The following IGSF11 variants were observed in gnomAD, a reference collection of about 807,000 sequenced individuals.
The protein encoded by IGSF11 is CXADR like 1.
Under a neutral mutation model 41.0 loss-of-function variants are expected in IGSF11, and 22 were observed. The ratio of observed to expected loss-of-function variants is 0.54; its 90% CI spans 0.38 to 0.77. The LOEUF is 0.77. Among genes scored for constraint, IGSF11 ranks in the 30% least tolerant of loss-of-function variants. The probability of loss-of-function intolerance (pLI) is 0.00; values close to 1 mark genes in which losing one functional copy is unlikely to be tolerated. For synonymous variants in IGSF11, 219 were observed against 201.3 expected (o/e 1.09, Z -0.74); for missense variants, 444 against 530.8 (o/e 0.84, Z 1.61).
At chr3:118,986,513 C>A (rs932524130) in intron 1 of IGSF11, among the ~76,000 whole-genome samples, 1 of 152,136 alleles carries the variant, frequency 6.6e-6, no homozygotes, top group Non-Finnish European at 1.5e-5. Flanking sequence ...AATTTGTATG[C>A]TCAATTTAAC....
At chr3:119,029,237 TACACACACAC>T (rs10662902) in intron 1 of IGSF11, among the ~76,000 whole-genome samples, 85 of 123,200 alleles carry the variant, frequency 6.9e-4, no homozygotes, top group Middle Eastern at 8.0e-3. Context: ...CTTTTGGGAA[TACACACACAC>T]ACACACACAC....
intron 1 of IGSF11, among the ~76,000 whole-genome samples, chr3:119,004,455 T>C (rs530614424): frequency 6.6e-6 from 1 of 151,694 alleles, no homozygotes; most frequent in East Asian, 1.9e-4. Context: ...TGTGTGTCAC[T>C]ATTTCCTTCA....
At chr3:119,112,321 T>G (rs904218344) in intron 1 of IGSF11, among the ~76,000 whole-genome samples, 19 of 152,142 alleles carry the variant, frequency 1.2e-4, no homozygotes, top group Non-Finnish European at 4.4e-5. Flanking sequence ...CCCCAGCCTC[T>G]CTGCCACCTT....
intron 1 of IGSF11, among the ~76,000 whole-genome samples, chr3:119,085,584 C>T (rs1266529907): frequency 6.6e-6 from 1 of 152,126 alleles, no homozygotes; most frequent in African/African-American, 2.4e-5. Flanking sequence ...ATCTGAATGG[C>T]AAGGAAGCTC....
intron 4 of IGSF11, among the ~76,000 whole-genome samples, 175 bp from the exon 5 acceptor site, chr3:118,905,893 T>C (rs1321793848): frequency 2.6e-5 from 4 of 152,172 alleles, no homozygotes; most frequent in Non-Finnish European, 5.9e-5. Flanking sequence ...AAAACTACTA[T>C]ATCACTTTAA....
intron 1 of IGSF11, among the ~76,000 whole-genome samples, chr3:119,123,279 A>C (rs940153264): frequency 3.3e-5 from 5 of 152,066 alleles, no homozygotes; most frequent in Non-Finnish European, 7.4e-5. Context: ...AAGAGGAGGG[A>C]AGAATGGGAA....
chr3:119,088,389 C>A (rs2076710986), intron 1 of IGSF11, among the ~76,000 whole-genome samples: 1 of 152,106 alleles, frequency 6.6e-6, no homozygotes, highest in African/African-American at 2.4e-5. Flanking sequence ...ATAATAGACA[C>A]ACAGCTTATC....
In IGSF11 at chr3:118,939,339, G is replaced by A. The variant is rs560061614; in HGVS notation, c.53-9064C>T. On this transcript the variant is annotated intron_variant, in intron 1 of 6. Coordinates refer to ENST00000393775, the MANE Select transcript of IGSF11 (RefSeq NM_001015887.3). ...GCCTGTAATCCCAGCACTTTGGGAC[G>A]CCAAGGCAGGTGGATCACCTGAGGT... Among the ~76,000 whole-genome samples the A allele has an allele frequency of 3.9e-5, 6 of 152,038 alleles. 1 individual carries two copies. The South Asian group carries it at 1.0e-3, about 26-fold the overall frequency.
At chr3:119,051,250 C>T (rs563957169) in intron 1 of IGSF11, among the ~76,000 whole-genome samples, 3 of 151,648 alleles carry the variant, frequency 2.0e-5, no homozygotes, top group East Asian at 3.9e-4. Flanking sequence ...TATGGGCTCA[C>T]ATAAACTTAA....
At chr3:118,996,233 T>C (rs747324574) in intron 1 of IGSF11, among the ~76,000 whole-genome samples, 4 of 152,238 alleles carry the variant, frequency 2.6e-5, no homozygotes, top group Non-Finnish European at 4.4e-5. Context: ...TTAGCAGTGT[T>C]AGCAGTTTCA....
intron 1 of IGSF11, among the ~76,000 whole-genome samples, chr3:118,979,193 C>T (rs763098069): frequency 2.0e-5 from 3 of 151,980 alleles, no homozygotes; most frequent in Non-Finnish European, 4.4e-5. Flanking sequence ...AATATTAGAA[C>T]GTGAAGACAG....
At chr3:119,013,860 A>C (rs79923298) in intron 1 of IGSF11, among the ~76,000 whole-genome samples, 121 of 152,324 alleles carry the variant, frequency 7.9e-4, no homozygotes, top group African/African-American at 2.9e-3. Flanking sequence ...CTATTTTACC[A>C]GTCTGAAGGA....
At chr3:118,937,660 C>A (rs924621271) in intron 1 of IGSF11, among the ~76,000 whole-genome samples, 1 of 152,180 alleles carries the variant, frequency 6.6e-6, no homozygotes, top group African/African-American at 2.4e-5. Flanking sequence ...TACAGGATCA[C>A]TGCCAAGCTT....
chr3:119,026,994 T>C (rs758461681), intron 1 of IGSF11, among the ~76,000 whole-genome samples: 2 of 152,178 alleles, frequency 1.3e-5, no homozygotes, highest in Admixed American at 1.3e-4. Flanking sequence ...GTATCTGACA[T>C]TGTGAGCTTA....
intron 1 of IGSF11, among the ~76,000 whole-genome samples, chr3:119,094,746 A>T (rs1205664522): frequency 1.3e-5 from 2 of 149,062 alleles, no homozygotes; most frequent in Non-Finnish European, 3.0e-5. Flanking sequence ...ATCTCGGTTC[A>T]CTGCAACCTC....
upstream of IGSF11, among the ~76,000 whole-genome samples, chr3:119,035,589 T>C (rs1325816535): frequency 6.6e-6 from 1 of 152,258 alleles, no homozygotes; most frequent in African/African-American, 2.4e-5. Context: ...TATGTACATT[T>C]ATTGTAATCG....
intron 1 of IGSF11, among the ~76,000 whole-genome samples, chr3:119,030,747 G>A (rs1940318329): frequency 6.6e-6 from 1 of 152,090 alleles, no homozygotes; most frequent in African/African-American, 2.4e-5. Flanking sequence ...AGATGGTGTG[G>A]GGGCAGTTTT....
intron 1 of IGSF11, among the ~76,000 whole-genome samples, chr3:119,003,826 G>A (rs1937169616): frequency 3.3e-5 from 5 of 150,930 alleles, no homozygotes; most frequent in Admixed American, 2.6e-4. Flanking sequence ...CTTGATCATG[G>A]TGGATAAGCT....
At chr3:119,109,742 C>T (rs1053644472), upstream of IGSF11, among the ~76,000 whole-genome samples, 1 of 151,898 alleles carries the variant, frequency 6.6e-6, no homozygotes, top group African/African-American at 2.4e-5. Context: ...TATAAATTTC[C>T]CTCTACACAC....
Sources: allele counts gnomAD v4.1 joint callset (sites outside exome capture counted in the v4.1 genomes callset), GRCh38; gene constraint gnomAD v4.1.1; transcripts MANE v1.5; gene names NCBI Gene and HGNC (gene_info 2026-07-23, HGNC 2026-07-21).